PPARGC1A: variants seen among roughly 807,000 people sequenced by gnomAD.
The protein encoded by PPARGC1A is PPARG coactivator 1 alpha.
In PPARGC1A, 25 loss-of-function variants were observed where a neutral mutation model predicts 88.7. The observed-to-expected ratio is 0.28, with a 90% CI of 0.21 to 0.39. The LOEUF (loss-of-function observed/expected upper bound fraction) is 0.39, where lower values mean the gene tolerates loss of function less well. PPARGC1A is among the 10% of genes least tolerant of loss of function. PPARGC1A has a pLI of 1.00. For synonymous variants in PPARGC1A, 363 were observed against 355.6 expected (o/e 1.02, Z -0.24); for missense variants, 880 against 968.7 (o/e 0.91, Z 1.22).
chr4:24,114,557 G>T, the PPARGC1A span, among the ~76,000 whole-genome samples: 6 of 152,162 alleles, frequency 3.9e-5, no homozygotes, highest in African/African-American at 1.2e-4. Context: ...GACAACTCAG[G>T]GACTCATTCT....
chr4:23,905,137 G>C (rs1719887338), upstream of PPARGC1A, among the ~76,000 whole-genome samples: 1 of 152,154 alleles, frequency 6.6e-6, no homozygotes, highest in Admixed American at 6.5e-5. Context: ...GTAAAGAGCA[G>C]CTTCCCATTT....
the PPARGC1A span, among the ~76,000 whole-genome samples, chr4:24,019,790 A>G: frequency 6.6e-6 from 1 of 152,188 alleles, no homozygotes; most frequent in Non-Finnish European, 1.5e-5. Context: ...AAACCACATA[A>G]ATTGTCCAAA....
the PPARGC1A span, among the ~76,000 whole-genome samples, chr4:24,465,677 G>A: frequency 6.6e-6 from 1 of 152,156 alleles, no homozygotes; most frequent in Non-Finnish European, 1.5e-5. Flanking sequence ...CATAGAGACT[G>A]TCTTGCTGTA....
chr4:23,882,362 T>G (rs1026707830), intron 2 of PPARGC1A, among the ~76,000 whole-genome samples: 1 of 152,210 alleles, frequency 6.6e-6, no homozygotes, highest in Non-Finnish European at 1.5e-5. Flanking sequence ...TAGTAATTTA[T>G]AAAGGGGAAG....
At chr4:24,063,830 A>G in the PPARGC1A span, among the ~76,000 whole-genome samples, 1 of 152,100 alleles carries the variant, frequency 6.6e-6, no homozygotes, top group African/African-American at 2.4e-5. Context: ...ACCTCGTTCA[A>G]TGCCTCCCCA....
the PPARGC1A span, among the ~76,000 whole-genome samples, chr4:24,269,680 AT>A: frequency 1.2e-4 from 11 of 94,212 alleles, no homozygotes; most frequent in East Asian, 2.9e-3. Flanking sequence ...CATCATCATC[AT>A]CACACAAAAA....
the PPARGC1A span, among the ~76,000 whole-genome samples, chr4:24,441,447 G>C: frequency 6.6e-6 from 1 of 152,208 alleles, no homozygotes; most frequent in African/African-American, 2.4e-5. Context: ...AGCTACTGCA[G>C]TCTGACTGCT....
At chr4:23,998,788 G>A in the PPARGC1A span, among the ~76,000 whole-genome samples, 2 of 152,170 alleles carry the variant, frequency 1.3e-5, no homozygotes, top group Non-Finnish European at 2.9e-5. Flanking sequence ...AAAAGCCAGG[G>A]AAAACTTGAA....
the PPARGC1A span, among the ~76,000 whole-genome samples, chr4:24,255,915 C>A: frequency 6.6e-6 from 1 of 152,170 alleles, no homozygotes. Context: ...TGAGTTAATA[C>A]ATGTAAATCC....
chr4:23,951,003 G>T, the PPARGC1A span, among the ~76,000 whole-genome samples: 3 of 152,024 alleles, frequency 2.0e-5, no homozygotes, highest in Non-Finnish European at 2.9e-5. Context: ...TCTGCTTTGG[G>T]GGAAATGCAA....
chr4:23,813,547 G>A, intron 8 of PPARGC1A, 143 bp downstream of exon 8: 2 of 724,044 alleles, frequency 2.8e-6, no homozygotes, highest in South Asian at 4.1e-5. Context: ...GTGTAACAAT[G>A]TTCTCGTTAG....
At chr4:24,286,008 C>T in the PPARGC1A span, among the ~76,000 whole-genome samples, 1 of 152,296 alleles carries the variant, frequency 6.6e-6, no homozygotes, top group Middle Eastern at 3.4e-3. Context: ...GGAAACAATG[C>T]TCCTATTACA....
the PPARGC1A span, among the ~76,000 whole-genome samples, chr4:24,235,003 T>A: frequency 1.3e-5 from 2 of 152,200 alleles, no homozygotes; most frequent in Non-Finnish European, 2.9e-5. Context: ...TTGGCACTTC[T>A]GAAATACTCA....
At chr4:24,118,915 T>C in the PPARGC1A span, among the ~76,000 whole-genome samples, 1 of 151,176 alleles carries the variant, frequency 6.6e-6, no homozygotes, top group African/African-American at 2.4e-5. Context: ...GAAAAAAAAA[T>C]GTCAATGCAA....
At chr4:23,813,545 A>G in intron 8 of PPARGC1A, 145 bp downstream of exon 8, 3 of 719,304 alleles carry the variant, frequency 4.2e-6, no homozygotes, top group East Asian at 2.7e-5. Flanking sequence ...GAGTGTAACA[A>G]TGTTCTCGTT....
At chr4:24,106,255 C>G in the PPARGC1A span, among the ~76,000 whole-genome samples, 1 of 152,156 alleles carries the variant, frequency 6.6e-6, no homozygotes, top group East Asian at 1.9e-4. Context: ...CTCCATGTAT[C>G]TGTTTCTTAT....
intron 2 of PPARGC1A, among the ~76,000 whole-genome samples, chr4:23,856,502 C>T (rs954977646): frequency 1.4e-4 from 22 of 152,206 alleles, no homozygotes; most frequent in African/African-American, 4.6e-4. Flanking sequence ...CTAAAGGTTA[C>T]ATTTCATGAC....
the PPARGC1A span, among the ~76,000 whole-genome samples, chr4:24,400,549 A>C: frequency 6.6e-6 from 1 of 152,258 alleles, no homozygotes; most frequent in South Asian, 2.1e-4. Flanking sequence ...AGATATATCT[A>C]TATATATCTT....
chr4:23,896,005 T>C (rs1718558300), intron 1 of PPARGC1A, among the ~76,000 whole-genome samples: 1 of 150,734 alleles, frequency 6.6e-6, no homozygotes, highest in Non-Finnish European at 1.5e-5. Flanking sequence ...CACACATATT[T>C]ATATTTAATA....
Sources: gnomAD v4.1 joint callset for allele counts (sites outside exome capture counted in the v4.1 genomes callset) on GRCh38, gnomAD v4.1.1 for gene constraint, MANE v1.5 for transcripts, NCBI Gene and HGNC (gene_info 2026-07-23, HGNC 2026-07-21) for gene names.